The following TECTA variants were observed in gnomAD, a reference collection of about 807,000 sequenced individuals.
TECTA encodes tectorin alpha.
A neutral mutation model predicts 216.8 loss-of-function variants in TECTA; 128 were observed. That is an observed-to-expected ratio of 0.59 (90% CI 0.51 to 0.68). The LOEUF (loss-of-function observed/expected upper bound fraction) is 0.68. TECTA is among the 30% of genes least tolerant of loss of function. The pLI is 0.00. For synonymous variants in TECTA, 1,089 were observed against 1,117.1 expected (o/e 0.97, Z 0.50); for missense variants, 2,551 against 2,786.2 (o/e 0.92, Z 1.90).
Position 121,118,721 on chromosome 11 carries a change from G to A in TECTA, c.1203+3G>A, listed in dbSNP as rs774205473. On this transcript the variant is annotated splice_donor_region_variant and intron_variant, in intron 7 of 23. Transcript: ENST00000392793. ...AAGGAAGCTATGGAAGAGTCAAGGT[G>A]AGCCCCTTTCTATCCTTCACGGGGA... The A allele has an allele frequency of 4.3e-6, 7 of 1,613,416 alleles. No homozygotes were observed. The highest frequency in any genetic ancestry group is 3.3e-5 in the Admixed American group (2 of 60,018).
At chr11:121,182,598 C>T (rs1239474575) in intron 20 of TECTA, among the ~76,000 whole-genome samples, 1 of 152,042 alleles carries the variant, frequency 6.6e-6, no homozygotes, top group Admixed American at 6.6e-5. Context: ...CCCAAGCCCC[C>T]GATGGTGCAT....
At position 121,118,639 on chromosome 11, in the gene TECTA, T is replaced by C; in HGVS notation, c.1124T>C (p.Val375Ala). The change falls in exon 7 of 24, where the codon GTC (valine) becomes GCC (alanine). Residue 375 changes from valine (V) to alanine (A), a missense_variant. Physicochemically the swap from Val to Ala is moderately conservative, Grantham distance 64. Transcript: ENST00000392793. ...AKNEHRRGSA[V>A]SWVKELSVEV... Reference sequence around the variant, plus strand: ...AATGAACACCGCAGAGGTTCAGCCGTCTCCTGGGTGAAGGAGCTCTCAGTG... The same window carrying C: ...AATGAACACCGCAGAGGTTCAGCCGCCTCCTGGGTGAAGGAGCTCTCAGTG... 1 of 1,614,064 alleles carries C rather than the reference T, an allele frequency of 6.2e-7. No homozygotes were observed. The highest frequency in any genetic ancestry group is 2.2e-5 in the East Asian group (1 of 44,878).
rs951158074 is a variant in TECTA, at chr11:121,127,325, C to T, written c.1775-427C>T. ...TTTCAAATTACTCCTCTAATGGTTA[C>T]ATTTTTCATTTCTCCTGAAAATTGG... On this transcript the variant is annotated intron_variant, in intron 8 of 23. Transcript: ENST00000392793. The surrounding 1 kb of genome is among the most constrained non-coding windows in gnomAD (Gnocchi z 5.0). Among the ~76,000 whole-genome samples the T allele has an allele frequency of 2.6e-5, 4 of 152,162 alleles. No homozygotes were observed. Among genetic ancestry groups the T allele is most frequent in the Admixed American group, 2.6e-4 (4 of 15,274 alleles).
chr11:121,188,045 G>C, intron 21 of TECTA, 51 bp downstream of exon 21: 1 of 1,605,420 alleles, frequency 6.2e-7, no homozygotes, highest in South Asian at 1.1e-5. Context: ...TCACTGTCTT[G>C]GTTTCCCAAC....
chr11:121,117,294 A>G (rs1023884875), intron 6 of TECTA, among the ~76,000 whole-genome samples: 1 of 152,224 alleles, frequency 6.6e-6, no homozygotes, highest in Non-Finnish European at 1.5e-5. Context: ...GAAAACAGAC[A>G]GGTGGAAGTT....
At chr11:121,181,718 T>C (rs1947231732) in intron 20 of TECTA, among the ~76,000 whole-genome samples, 1 of 152,226 alleles carries the variant, frequency 6.6e-6, no homozygotes, top group African/African-American at 2.4e-5. Context: ...TCCACCCACC[T>C]TGGCCTCACA....
At chr11:121,114,134 T>G (rs1253795947) in intron 6 of TECTA, among the ~76,000 whole-genome samples, 1 of 152,178 alleles carries the variant, frequency 6.6e-6, no homozygotes, top group Non-Finnish European at 1.5e-5. Context: ...TTTGTAGATC[T>G]ACAGGAATGG....
chr11:121,156,045 T>A (rs1305914744), intron 13 of TECTA, among the ~76,000 whole-genome samples: 1 of 152,264 alleles, frequency 6.6e-6, no homozygotes, highest in East Asian at 1.9e-4. Flanking sequence ...TGAAAGAGGA[T>A]GAGCCATTCT....
intron 16 of TECTA, among the ~76,000 whole-genome samples, 178 bp downstream of exon 16, chr11:121,162,548 C>T (rs1008887434): frequency 3.3e-5 from 5 of 152,224 alleles, no homozygotes; most frequent in Non-Finnish European, 7.3e-5. Context: ...GGGCCCCTCC[C>T]GTGGAGCCTA....
At chr11:121,138,742 G>T (rs566674264) in intron 11 of TECTA, among the ~76,000 whole-genome samples, 1 of 152,200 alleles carries the variant, frequency 6.6e-6, no homozygotes, top group Non-Finnish European at 1.5e-5. Context: ...GCAGACATCA[G>T]CTCCAGCCAC....
chr11:121,111,390 C>A (rs907316969), intron 4 of TECTA, among the ~76,000 whole-genome samples: 3 of 152,216 alleles, frequency 2.0e-5, no homozygotes, highest in African/African-American at 7.2e-5. Context: ...TCTTCAGCTG[C>A]CTCCTGCGGG....
At chr11:121,166,506 G>T in intron 17 of TECTA, 72 bp from the exon 18 acceptor site, 2 of 1,498,938 alleles carry the variant, frequency 1.3e-6, no homozygotes, top group Non-Finnish European at 9.3e-7. Context: ...AATGGAAATG[G>T]GATGCTTTGC....
intron 18 of TECTA, among the ~76,000 whole-genome samples, chr11:121,167,518 A>G (rs1947066394): frequency 6.6e-6 from 1 of 152,242 alleles, no homozygotes; most frequent in Non-Finnish European, 1.5e-5. Context: ...TCCAGTGTAT[A>G]GGTTAGCAAA....
chr11:121,113,306 T>G lies in TECTA; in HGVS notation c.624+97T>G. The G allele has an allele frequency of 6.3e-7, 1 of 1,598,060 alleles. No homozygotes were observed. The highest frequency in any genetic ancestry group is 8.5e-7 in the Non-Finnish European group (1 of 1,171,972). ...TGGAGGGAATCCTGCCACCAGCTTTTAACTAGAGACGCAGGTCTGATCTCG... is the reference window on the plus strand; with the variant it reads ...TGGAGGGAATCCTGCCACCAGCTTTGAACTAGAGACGCAGGTCTGATCTCG... On this transcript the variant is annotated intron_variant, in intron 5 of 23. Coordinates refer to ENST00000392793, the MANE Select transcript of TECTA (RefSeq NM_005422.4). This position sits in a 1 kb window ranked among gnomAD's most constrained non-coding sequence, Gnocchi z 4.2.
chr11:121,137,321 C>T (rs760391367), intron 10 of TECTA, 100 bp from the exon 11 acceptor site: 14 of 1,515,750 alleles, frequency 9.2e-6, no homozygotes, highest in Non-Finnish European at 1.3e-5. Context: ...CACATGCACT[C>T]ACAAACACAC....
chr11:121,180,486 G>C (rs1314766580), intron 20 of TECTA, among the ~76,000 whole-genome samples: 2 of 152,146 alleles, frequency 1.3e-5, no homozygotes, highest in Non-Finnish European at 2.9e-5. Context: ...GAGATCTGCT[G>C]TTGGTCTGAT....
chr11:121,119,000 C>T (rs979172322), intron 7 of TECTA, among the ~76,000 whole-genome samples: 1 of 109,270 alleles, frequency 9.2e-6, no homozygotes, highest in Non-Finnish European at 1.8e-5. Context: ...TAGGCACACA[C>T]ACACACACAC....
In TECTA at chr11:121,145,789, G is replaced by T; in HGVS notation, c.3778G>T (p.Ala1260Ser). 6.2e-7 allele frequency: 1 copy of T among 1,614,228 alleles called. No individual in the cohort carries two copies. Among genetic ancestry groups the T allele is most frequent in the Non-Finnish European group, 8.5e-7 (1 of 1,180,042 alleles). Reference sequence around the variant, plus strand: ...CCTGGAGATGCCCATGGGTCTGCTTGCATCGAGTGTCAATGAGTTTGGGCA... The same window carrying T: ...CCTGGAGATGCCCATGGGTCTGCTTTCATCGAGTGTCAATGAGTTTGGGCA... ...DDLEMPMGLL[A>S]SSVNEFGQSW... Residue 1260 changes from alanine (A) to serine (S), a missense_variant, in exon 12 of 24, where the codon GCA becomes TCA. Physicochemically the swap from Ala to Ser is moderately conservative, Grantham distance 99. Coordinates refer to ENST00000392793, the MANE Select transcript of TECTA (RefSeq NM_005422.4).
intron 10 of TECTA, among the ~76,000 whole-genome samples, chr11:121,130,417 G>A (rs1946662701): frequency 6.6e-6 from 1 of 152,072 alleles, no homozygotes; most frequent in Non-Finnish European, 1.5e-5. Context: ...TTTCCTAACT[G>A]CACAGTACCT....
Sources: allele counts gnomAD v4.1 joint callset (sites outside exome capture counted in the v4.1 genomes callset), GRCh38; gene constraint gnomAD v4.1.1; non-coding constraint Gnocchi (gnomAD v3.1); transcripts MANE v1.5; gene names NCBI Gene and HGNC (gene_info 2026-07-23, HGNC 2026-07-21).